The following TMEM117 variants were observed in gnomAD, a reference collection of about 807,000 sequenced individuals.
TMEM117 encodes the protein transmembrane protein 117.
Under a neutral mutation model 52.4 loss-of-function variants are expected in TMEM117, and 27 were observed. That is an observed-to-expected ratio of 0.51 (90% CI 0.38 to 0.71). TMEM117 has a LOEUF of 0.71. Ranked by LOEUF, TMEM117 falls within the 30% of genes least tolerant of loss-of-function variation. The pLI is 0.00. For synonymous variants in TMEM117, 215 were observed against 206.3 expected, an observed-to-expected ratio of 1.04 and a Z score of -0.36; for missense variants, 556 against 630.5, an observed-to-expected ratio of 0.88 and a Z score of 1.26.
At chr12:44,308,822 T>G (rs1293976660) in intron 6 of TMEM117, among the ~76,000 whole-genome samples, 1 of 152,032 alleles carries the variant, frequency 6.6e-6, no homozygotes, top group Non-Finnish European at 1.5e-5. Context: ...GGTTTCACCG[T>G]GTTAGTCAGG....
intron 2 of TMEM117, among the ~76,000 whole-genome samples, chr12:43,906,435 C>T (rs1944388750): frequency 2.7e-5 from 4 of 148,348 alleles, no homozygotes; most frequent in Admixed American, 1.4e-4. Flanking sequence ...TGCTCTTCAG[C>T]CTGGGTGAGG....
At position 44,357,486 on chromosome 12, in the gene TMEM117, T is replaced by G. The variant is rs1474609077; in HGVS notation, c.769-19109T>G. The stretch of plus-strand genomic sequence containing the variant: ...CAGAGGAGGGACACTTAGATCAGCT[T>G]CAGAAAGTGGAACTACAAGTGGATA... On this transcript the variant is annotated intron_variant, in intron 6 of 7. Coordinates refer to ENST00000266534, the MANE Select transcript of TMEM117 (RefSeq NM_032256.3). Among the ~76,000 whole-genome samples, 3 of 152,194 alleles carry G rather than the reference T, an allele frequency of 2.0e-5. No individual in the cohort carries two copies. The East Asian group carries it at 5.8e-4, about 29-fold the overall frequency.
intron 3 of TMEM117, among the ~76,000 whole-genome samples, chr12:44,026,826 T>A (rs965194452): frequency 6.6e-5 from 10 of 152,038 alleles, no homozygotes; most frequent in African/African-American, 2.2e-4. Flanking sequence ...TTTCTGTTTG[T>A]ATATATCCTT....
intron 7 of TMEM117, among the ~76,000 whole-genome samples, chr12:44,385,693 A>G (rs989186052): frequency 6.6e-6 from 1 of 152,192 alleles, no homozygotes; most frequent in East Asian, 1.9e-4. Flanking sequence ...TGTAACATGT[A>G]CAGTTTACAG....
intron 2 of TMEM117, among the ~76,000 whole-genome samples, chr12:43,864,580 A>G (rs1045300923): frequency 6.6e-6 from 1 of 152,094 alleles, no homozygotes; most frequent in Non-Finnish European, 1.5e-5. Context: ...GTTCGTAAAT[A>G]CACCAGTTGA....
At chr12:43,802,558 C>A in the TMEM117 span, 11 of 909,766 alleles carry the variant, frequency 1.2e-5, no homozygotes, top group Non-Finnish European at 1.2e-5. Flanking sequence ...ATAGTCATTT[C>A]CCAGTTACTA....
At chr12:44,203,736 A>G (rs1184060070) in intron 4 of TMEM117, among the ~76,000 whole-genome samples, 1 of 152,096 alleles carries the variant, frequency 6.6e-6, no homozygotes, top group East Asian at 1.9e-4. Flanking sequence ...AGATTGTTTA[A>G]GTTTCATTTA....
At chr12:44,226,307 G>A (rs1949859715) in intron 5 of TMEM117, among the ~76,000 whole-genome samples, 1 of 152,040 alleles carries the variant, frequency 6.6e-6, no homozygotes, top group South Asian at 2.1e-4. Flanking sequence ...GATAAGAATG[G>A]GATCACTGGG....
At chr12:44,161,547 A>G (rs1341841622) in intron 4 of TMEM117, among the ~76,000 whole-genome samples, 1 of 152,176 alleles carries the variant, frequency 6.6e-6, no homozygotes, top group African/African-American at 2.4e-5. Context: ...AATTAAACGA[A>G]TGGAATTTAT....
At position 44,276,011 on chromosome 12, in the gene TMEM117, G is replaced by A. The variant is rs757967092; in HGVS notation, c.609-23569G>A. Among the ~76,000 whole-genome samples the A allele has an allele frequency of 2.8e-4, 43 of 152,260 alleles. 1 individual carries two copies. The highest frequency in any genetic ancestry group is 5.4e-4 in the Non-Finnish European group (37 of 67,982). ...GGATGGATAGTTCAATTTTTATGATGTGATTATTATGCATTGCATGCCTGT... is the reference window on the plus strand; with the variant it reads ...GGATGGATAGTTCAATTTTTATGATATGATTATTATGCATTGCATGCCTGT... On this transcript the variant is annotated intron_variant, in intron 5 of 7. Transcript: ENST00000266534.
At position 44,303,431 on chromosome 12, in the gene TMEM117, TAGC is replaced by T. The variant is rs1472259931; in HGVS notation, c.768+3695_768+3697del. On this transcript the variant is annotated intron_variant, in intron 6 of 7. Coordinates refer to ENST00000266534, the MANE Select transcript of TMEM117 (RefSeq NM_032256.3). ...TTCTTTTTATTATTTTTAATAAAAT[TAGC>T]AGGCCAGTTCTGAATACTTTTAGAG... Among the ~76,000 whole-genome samples, 5 of 152,318 alleles carry T rather than the reference TAGC, an allele frequency of 3.3e-5. 1 individual carries two copies. The Middle Eastern group carries it at 0.01, about 311-fold the overall frequency.
chr12:44,011,920 T>G (rs1477941964), intron 3 of TMEM117, among the ~76,000 whole-genome samples: 1 of 152,194 alleles, frequency 6.6e-6, no homozygotes, highest in East Asian at 1.9e-4. Context: ...AAAGAGATGA[T>G]TCACTTCCCA....
At chr12:43,856,648 G>T (rs904035682) in intron 2 of TMEM117, among the ~76,000 whole-genome samples, 2 of 152,012 alleles carry the variant, frequency 1.3e-5, no homozygotes, top group Admixed American at 6.6e-5. Flanking sequence ...CTTTCATTCA[G>T]CATAATTTTG....
At chr12:44,170,378 G>A (rs1457199595) in intron 4 of TMEM117, among the ~76,000 whole-genome samples, 1 of 151,736 alleles carries the variant, frequency 6.6e-6, no homozygotes, top group Non-Finnish European at 1.5e-5. Flanking sequence ...CACCAACATG[G>A]CACATGTATA....
intron 3 of TMEM117, among the ~76,000 whole-genome samples, chr12:44,069,765 A>G (rs1947273563): frequency 6.6e-6 from 1 of 152,360 alleles, no homozygotes; most frequent in Non-Finnish European, 1.5e-5. Flanking sequence ...ATATCTGACT[A>G]ATAGTAATTT....
the TMEM117 span, among the ~76,000 whole-genome samples, chr12:44,395,584 A>G: frequency 0.079 from 12,015 of 152,252 alleles, 673 homozygotes; most frequent in African/African-American, 0.15. Context: ...CACTGGCTTA[A>G]CACAATAAAA....
At chr12:44,180,976 A>G (rs1311887200) in intron 4 of TMEM117, among the ~76,000 whole-genome samples, 1 of 152,138 alleles carries the variant, frequency 6.6e-6, no homozygotes, top group East Asian at 1.9e-4. Flanking sequence ...CCAACAGTGT[A>G]AAAGTGTTCC....
At chr12:43,802,320 C>T in the TMEM117 span, 1 of 1,568,868 alleles carries the variant, frequency 6.4e-7, no homozygotes, top group Non-Finnish European at 8.6e-7. Flanking sequence ...AATGAATATC[C>T]ATTCATATCC....
At chr12:44,143,202 T>C (rs753460432) in intron 3 of TMEM117, among the ~76,000 whole-genome samples, 15 of 152,232 alleles carry the variant, frequency 9.9e-5, no homozygotes, top group Non-Finnish European at 1.6e-4. Flanking sequence ...TCTGCTCTGC[T>C]CATACTTGAG....
Sources: allele counts gnomAD v4.1 joint callset (sites outside exome capture counted in the v4.1 genomes callset), GRCh38; gene constraint gnomAD v4.1.1; transcripts MANE v1.5; gene names NCBI Gene and HGNC (gene_info 2026-07-23, HGNC 2026-07-21).